The following MAGI1 variants were observed in gnomAD, a reference collection of about 807,000 sequenced individuals.
MAGI1 encodes the protein membrane-associated guanylate kinase, WW and PDZ domain-containing protein 1.
A neutral mutation model predicts 139.9 loss-of-function variants in MAGI1; 58 were observed. The ratio of observed to expected loss-of-function variants is 0.41; its 90% CI spans 0.34 to 0.52. The LOEUF (loss-of-function observed/expected upper bound fraction) is 0.52, where lower values mean the gene tolerates loss of function less well. MAGI1 is among the 20% of genes least tolerant of loss of function. The pLI is 0.12. For synonymous variants in MAGI1, 812 were observed against 737.9 expected (o/e 1.10, Z -1.63); for missense variants, 1,874 against 1,901.6 (o/e 0.99, Z 0.27).
At chr3:65,871,883 A>T (rs1189735954) in intron 1 of MAGI1, among the ~76,000 whole-genome samples, 1 of 152,198 alleles carries the variant, frequency 6.6e-6, no homozygotes, top group African/African-American at 2.4e-5. Flanking sequence ...CCCTGGATGA[A>T]TCACTGGCTG....
At chr3:65,451,600 A>T (rs1211344124) in intron 6 of MAGI1, among the ~76,000 whole-genome samples, 1 of 152,208 alleles carries the variant, frequency 6.6e-6, no homozygotes, top group Non-Finnish European at 1.5e-5. Context: ...TCCTCTGAGC[A>T]TCATGGTGAC....
At chr3:65,540,962 T>G (rs2079184485) in intron 2 of MAGI1, among the ~76,000 whole-genome samples, 2 of 152,182 alleles carry the variant, frequency 1.3e-5, no homozygotes, top group South Asian at 4.1e-4. Context: ...TTACTAAATC[T>G]GGATGGTGTA....
intron 1 of MAGI1, among the ~76,000 whole-genome samples, chr3:65,854,497 T>G (rs2059308128): frequency 6.6e-6 from 1 of 152,142 alleles, no homozygotes; most frequent in African/African-American, 2.4e-5. Flanking sequence ...GCTCAGAAAT[T>G]CCCATGCCAG....
intron 1 of MAGI1, among the ~76,000 whole-genome samples, chr3:65,823,376 TTGTTC>T (rs78210114): frequency 0.06 from 9,184 of 152,262 alleles, 436 homozygotes; most frequent in South Asian, 0.22. Context: ...GTTAGCTATC[TTGTTC>T]TGTTCTATTT....
At chr3:65,940,216 A>G (rs1270159623) in intron 1 of MAGI1, among the ~76,000 whole-genome samples, 2 of 152,302 alleles carry the variant, frequency 1.3e-5, no homozygotes, top group African/African-American at 4.8e-5. Flanking sequence ...GGAAAGCAAT[A>G]CTAGGAATGG....
chr3:65,834,270 T>C (rs528570959), intron 1 of MAGI1, among the ~76,000 whole-genome samples: 12 of 152,356 alleles, frequency 7.9e-5, no homozygotes, highest in Non-Finnish European at 1.5e-4. Context: ...GCATTGAATT[T>C]AAAGCTCAGA....
intron 1 of MAGI1, among the ~76,000 whole-genome samples, chr3:65,942,055 G>A (rs964257020): frequency 2.4e-4 from 36 of 152,180 alleles, no homozygotes; most frequent in African/African-American, 8.0e-4. Flanking sequence ...CCAAAATGCT[G>A]GGATTATAGG....
intron 1 of MAGI1, among the ~76,000 whole-genome samples, chr3:65,670,460 G>T (rs1376921487): frequency 6.6e-6 from 1 of 151,638 alleles, no homozygotes; most frequent in Non-Finnish European, 1.5e-5. Context: ...TTTTATGTAG[G>T]TTTCATGAAA....
intron 3 of MAGI1, among the ~76,000 whole-genome samples, chr3:65,493,236 C>T (rs1032339592): frequency 5.3e-5 from 8 of 152,058 alleles, no homozygotes; most frequent in African/African-American, 9.7e-5. Flanking sequence ...CTCCTAATAC[C>T]GCACATGTCC....
At chr3:65,399,966 G>A (rs976720486) in intron 13 of MAGI1, among the ~76,000 whole-genome samples, 1 of 152,152 alleles carries the variant, frequency 6.6e-6, no homozygotes, top group Non-Finnish European at 1.5e-5. Context: ...ATTCCATGTA[G>A]GGTGTGTAAA....
intron 1 of MAGI1, among the ~76,000 whole-genome samples, chr3:65,674,060 G>A (rs1024769645): frequency 1.2e-4 from 19 of 152,140 alleles, no homozygotes; most frequent in Admixed American, 1.2e-3. Flanking sequence ...GGAACACAGC[G>A]AGACTCCATC....
chr3:66,035,506 G>A (rs895447571), intron 1 of MAGI1, among the ~76,000 whole-genome samples: 5 of 152,184 alleles, frequency 3.3e-5, no homozygotes, highest in African/African-American at 1.2e-4. Flanking sequence ...AGAGGGAGCA[G>A]AAAACTGGTG....
intron 2 of MAGI1, among the ~76,000 whole-genome samples, chr3:65,552,538 T>C (rs998268225): frequency 4.6e-5 from 7 of 152,152 alleles, no homozygotes; most frequent in African/African-American, 1.2e-4. Context: ...GCACTCATGA[T>C]AGATTTTCTT....
intron 2 of MAGI1, among the ~76,000 whole-genome samples, chr3:65,510,948 C>T (rs1443513920): frequency 1.3e-4 from 19 of 147,984 alleles, no homozygotes; most frequent in African/African-American, 4.4e-4. Flanking sequence ...AGACTAACAG[C>T]GGATCTCTTG....
chr3:65,601,178 T>G (rs1196041761), intron 2 of MAGI1, among the ~76,000 whole-genome samples: 13 of 152,216 alleles, frequency 8.5e-5, no homozygotes, highest in Non-Finnish European at 4.4e-5. Context: ...CACAAATATT[T>G]ATTGAGCACA....
At chr3:65,928,117 C>G (rs2062613406) in intron 1 of MAGI1, among the ~76,000 whole-genome samples, 1 of 152,092 alleles carries the variant, frequency 6.6e-6, no homozygotes, top group Non-Finnish European at 1.5e-5. Context: ...TCCATGAAGA[C>G]AAGGATTTTT....
At position 65,889,771 on chromosome 3, in the gene MAGI1, G is replaced by A. The variant is rs76249088; in HGVS notation, c.313+148225C>T. Among the ~76,000 whole-genome samples the A allele has an allele frequency of 8.1e-4, 123 of 152,248 alleles. No individual in the cohort carries two copies. The East Asian group carries it at 0.023, about 28-fold the overall frequency. ...GAGAAAATTTACACTCATAGTATGGGGGCATGGGGGGTTGTCAGGTAAGGC... is the reference window on the plus strand; with the variant it reads ...GAGAAAATTTACACTCATAGTATGGAGGCATGGGGGGTTGTCAGGTAAGGC... On this transcript the variant is annotated intron_variant, in intron 1 of 22. Coordinates refer to ENST00000402939, the MANE Select transcript of MAGI1 (RefSeq NM_001033057.2).
In MAGI1 at chr3:66,017,839, C is replaced by A. The variant is rs547948132; in HGVS notation, c.313+20157G>T. Among the ~76,000 whole-genome samples the A allele has an allele frequency of 5.0e-4, 76 of 152,126 alleles. 1 individual carries two copies. Among genetic ancestry groups the A allele is most frequent in the African/African-American group, 1.8e-3 (74 of 41,508 alleles). On this transcript the variant is annotated intron_variant, in intron 1 of 22. Transcript: ENST00000402939. Reference sequence around the variant, plus strand: ...GGGCAGGTGAGAGCTGGAAGTCATCCCAACTTTGAAAAGAAAGGACTCTTA... The same window carrying A: ...GGGCAGGTGAGAGCTGGAAGTCATCACAACTTTGAAAAGAAAGGACTCTTA...
chr3:65,919,971 C>T (rs2062095315), intron 1 of MAGI1, among the ~76,000 whole-genome samples: 1 of 152,178 alleles, frequency 6.6e-6, no homozygotes. Flanking sequence ...TGAAATAAAT[C>T]TAAGTGGTCA....
Sources: allele counts gnomAD v4.1 joint callset (sites outside exome capture counted in the v4.1 genomes callset), GRCh38; gene constraint gnomAD v4.1.1; transcripts MANE v1.5; gene names NCBI Gene and HGNC (gene_info 2026-07-23, HGNC 2026-07-21).